NRXN1: variants seen among roughly 807,000 people sequenced by gnomAD.
NRXN1 encodes the protein neurexin-1.
Under a neutral mutation model 150.9 loss-of-function variants are expected in NRXN1, and 39 were observed. That is an observed-to-expected ratio of 0.26 (90% CI 0.20 to 0.34). NRXN1 has a LOEUF of 0.34. Ranked by LOEUF, NRXN1 falls within the 10% of genes least tolerant of loss-of-function variation. NRXN1 has a pLI of 1.00. For missense variants in NRXN1, 1,815 were observed against 1,949.9 expected, an observed-to-expected ratio of 0.93 and a Z score of 1.30; for synonymous variants, 924 against 757.0, an observed-to-expected ratio of 1.22 and a Z score of -3.62.
At chr2:50,683,595 G>A (rs1474987768) in intron 5 of NRXN1, among the ~76,000 whole-genome samples, 4 of 112,752 alleles carry the variant, frequency 3.5e-5, no homozygotes, top group East Asian at 2.9e-4. Context: ...TCAAGCCACT[G>A]CACTCCAGCC....
intron 5 of NRXN1, among the ~76,000 whole-genome samples, chr2:50,812,926 C>T (rs1668428273): frequency 6.6e-6 from 1 of 151,730 alleles, no homozygotes; most frequent in South Asian, 2.1e-4. Flanking sequence ...AAAGCTGTCG[C>T]AATAACATAT....
chr2:50,064,852 C>A (rs974950952), intron 19 of NRXN1, among the ~76,000 whole-genome samples: 16 of 152,136 alleles, frequency 1.1e-4, no homozygotes, highest in African/African-American at 3.9e-4. Context: ...TATGGATCTT[C>A]TAGCCTTTGT....
intron 5 of NRXN1, among the ~76,000 whole-genome samples, chr2:50,859,613 T>G (rs1175742182): frequency 6.6e-6 from 1 of 151,848 alleles, no homozygotes; most frequent in Non-Finnish European, 1.5e-5. Context: ...ATTTTTTTTT[T>G]TTTTGACAGA....
chr2:50,654,577 T>C (rs1358394368), intron 5 of NRXN1, among the ~76,000 whole-genome samples: 2 of 152,026 alleles, frequency 1.3e-5, no homozygotes, highest in East Asian at 2.0e-4. Context: ...ATGGTATTTC[T>C]AGTTCTAGAT....
intron 2 of NRXN1, among the ~76,000 whole-genome samples, chr2:50,938,373 T>C (rs1454733260): frequency 1.3e-5 from 2 of 152,054 alleles, no homozygotes; most frequent in Non-Finnish European, 2.9e-5. Context: ...AACGCTGTTA[T>C]GCCACACCTG....
intron 17 of NRXN1, among the ~76,000 whole-genome samples, chr2:50,417,954 A>C (rs1198330605): frequency 6.6e-6 from 1 of 151,984 alleles, no homozygotes; most frequent in Non-Finnish European, 1.5e-5. Flanking sequence ...TCCTGAAGGC[A>C]AGGTGGAGGA....
intron 17 of NRXN1, among the ~76,000 whole-genome samples, chr2:50,329,231 C>T (rs980492755): frequency 6.6e-6 from 1 of 152,066 alleles, no homozygotes; most frequent in African/African-American, 2.4e-5. Flanking sequence ...ATAAAAGGAA[C>T]ACATCACTAG....
intron 15 of NRXN1, among the ~76,000 whole-genome samples, chr2:50,484,763 G>C (rs1012282613): frequency 6.6e-6 from 1 of 152,214 alleles, no homozygotes; most frequent in Non-Finnish European, 1.5e-5. Flanking sequence ...GGGGAGAGAA[G>C]AGCATATAGA....
chr2:50,929,984 A>G (rs2104381310), intron 2 of NRXN1, among the ~76,000 whole-genome samples: 1 of 152,236 alleles, frequency 6.6e-6, no homozygotes, highest in Admixed American at 6.5e-5. Context: ...ACGATGTTCA[A>G]AGAGAAAATG....
intron 8 of NRXN1, among the ~76,000 whole-genome samples, chr2:50,583,588 G>A (rs906742436): frequency 7.9e-5 from 12 of 152,094 alleles, no homozygotes; most frequent in Non-Finnish European, 1.6e-4. Context: ...CACAACACTC[G>A]ATATATAGGG....
intron 5 of NRXN1, among the ~76,000 whole-genome samples, chr2:50,815,728 A>G (rs532625631): frequency 6.6e-6 from 1 of 152,308 alleles, no homozygotes; most frequent in African/African-American, 2.4e-5. Flanking sequence ...TCCATGAAAC[A>G]TATCCTCATA....
In NRXN1 at chr2:50,497,644, C is replaced by G; in HGVS notation, c.2568G>C (p.Arg856=). The G allele has an allele frequency of 6.2e-7, 1 of 1,613,794 alleles. No individual in the cohort carries two copies. The change falls in exon 14 of 23, where the codon CGG becomes CGC. Residue 856 remains arginine, a synonymous_variant. Coordinates refer to ENST00000401669, the MANE Select transcript of NRXN1 (RefSeq NM_001330078.2). ...AGTTGGAGGGGACAGAAGAAAGATA[C>G]CGTCGTTCTGTGATGATGCCAGTCT... ...NIETGIITER[R]YLSSVPSNFI...
intron 22 of NRXN1, among the ~76,000 whole-genome samples, chr2:49,938,499 C>A (rs1275309266): frequency 6.6e-6 from 1 of 152,090 alleles, no homozygotes; most frequent in South Asian, 2.1e-4. Flanking sequence ...TAAAGAGATG[C>A]CACAAAAATG....
At chr2:50,752,645 A>G (rs1700728767) in intron 5 of NRXN1, among the ~76,000 whole-genome samples, 2 of 151,598 alleles carry the variant, frequency 1.3e-5, no homozygotes, top group Non-Finnish European at 1.5e-5. Flanking sequence ...TTTAAAGCAG[A>G]TTTCTTCCCA....
At chr2:50,382,736 G>T (rs1301474398) in intron 17 of NRXN1, among the ~76,000 whole-genome samples, 4 of 152,132 alleles carry the variant, frequency 2.6e-5, no homozygotes, top group Non-Finnish European at 5.9e-5. Flanking sequence ...GACCAGTTCT[G>T]ATTCAAGTCA....
intron 18 of NRXN1, among the ~76,000 whole-genome samples, chr2:50,196,549 C>G (rs1432988139): frequency 6.6e-6 from 1 of 152,028 alleles, no homozygotes; most frequent in Non-Finnish European, 1.5e-5. Flanking sequence ...CATTTAATAT[C>G]AATGCAATCA....
At chr2:50,482,323 G>C (rs903612604) in intron 15 of NRXN1, among the ~76,000 whole-genome samples, 8 of 152,094 alleles carry the variant, frequency 5.3e-5, no homozygotes. Context: ...CGAGTTCAGG[G>C]ATATAAATCC....
chr2:50,754,298 T>C (rs555688751), intron 5 of NRXN1, among the ~76,000 whole-genome samples: 8 of 151,966 alleles, frequency 5.3e-5, no homozygotes, highest in African/African-American at 1.9e-4. Context: ...ACACACATCC[T>C]CTTATTATTT....
chr2:50,505,711 C>G (rs1264681462), intron 13 of NRXN1, among the ~76,000 whole-genome samples: 2 of 152,114 alleles, frequency 1.3e-5, no homozygotes, highest in Non-Finnish European at 2.9e-5. Context: ...ACACAGTTGA[C>G]TGTTCTCTGG....
Sources: allele counts gnomAD v4.1 joint callset (sites outside exome capture counted in the v4.1 genomes callset), GRCh38; gene constraint gnomAD v4.1.1; transcripts MANE v1.5; gene names NCBI Gene and HGNC (gene_info 2026-07-23, HGNC 2026-07-21).